EVI5: variants seen among roughly 807,000 people sequenced by gnomAD.
EVI5 encodes ecotropic viral integration site 5, also known as ecotropic viral integration site 5 protein homolog.
A neutral mutation model predicts 112.0 loss-of-function variants in EVI5; 73 were observed. The ratio of observed to expected loss-of-function variants is 0.65; its 90% confidence interval spans 0.54 to 0.79. The LOEUF is 0.79. Ranked by LOEUF, EVI5 falls within the 30% of genes least tolerant of loss-of-function variation. The pLI, the probability that EVI5 is intolerant of heterozygous loss-of-function variation, is 0.00. For synonymous variants in EVI5, 305 were observed against 319.9 expected (o/e 0.95, Z 0.50); for missense variants, 900 against 968.8 (o/e 0.93, Z 0.94).
At chr1:92,665,431 G>C (rs917865799) in intron 11 of EVI5, among the ~76,000 whole-genome samples, 1 of 152,092 alleles carries the variant, frequency 6.6e-6, no homozygotes, top group Non-Finnish European at 1.5e-5. Flanking sequence ...GTAACAAGTA[G>C]ATACTAAAAT....
At chr1:92,765,299 C>T (rs1392013947) in intron 1 of EVI5, among the ~76,000 whole-genome samples, 1 of 147,268 alleles carries the variant, frequency 6.8e-6, no homozygotes, top group East Asian at 2.0e-4. Context: ...AAGTGATCCT[C>T]CCACCTCAGC....
At chr1:92,615,591 T>A (rs1321416542) in intron 16 of EVI5, among the ~76,000 whole-genome samples, 1 of 152,040 alleles carries the variant, frequency 6.6e-6, no homozygotes, top group Non-Finnish European at 1.5e-5. Flanking sequence ...AACTTCCCCA[T>A]CCCCAGTAGT....
At chr1:92,758,126 G>C (rs1681236553) in intron 1 of EVI5, among the ~76,000 whole-genome samples, 1 of 152,122 alleles carries the variant, frequency 6.6e-6, no homozygotes, top group African/African-American at 2.4e-5. Context: ...ACCATATTTT[G>C]ATAGGCTATG....
chr1:92,563,805 C>A lies in EVI5; in HGVS notation c.2071-68G>T, dbSNP rs1668994876. The A allele has an allele frequency of 4.4e-6, 4 of 899,048 alleles. No individual in the cohort carries two copies. The South Asian group carries it at 5.8e-5, about 13-fold the overall frequency. 55.7% of individuals were successfully genotyped at this position (899,048 alleles called of 1,614,324 possible). ...TTTCACAGCATGTACTCAAATAGTTCAAGGTATAGGAAAAGCATAGGCACA... is the reference window on the plus strand; with the variant it reads ...TTTCACAGCATGTACTCAAATAGTTAAAGGTATAGGAAAAGCATAGGCACA... On this transcript the variant is annotated intron_variant, in intron 18 of 19. Transcript: ENST00000684568.
At chr1:92,604,260 T>C (rs769089377) in intron 18 of EVI5, among the ~76,000 whole-genome samples, 6 of 151,538 alleles carry the variant, frequency 4.0e-5, no homozygotes, top group Non-Finnish European at 8.8e-5. Flanking sequence ...CTCGGGAAGC[T>C]GATGAGGACT....
chr1:92,781,998 C>A (rs1684925757), intron 1 of EVI5, among the ~76,000 whole-genome samples: 1 of 147,000 alleles, frequency 6.8e-6, no homozygotes, highest in Non-Finnish European at 1.5e-5. Flanking sequence ...CGGTGGCTCA[C>A]ACCTGTAATC....
chr1:92,714,801 G>A (rs1043614124), intron 2 of EVI5, among the ~76,000 whole-genome samples: 1 of 152,064 alleles, frequency 6.6e-6, no homozygotes, highest in African/African-American at 2.4e-5. Flanking sequence ...ATGTTGCCCA[G>A]GCTGGTCTTG....
chr1:92,622,662 T>G (rs1479488356), intron 16 of EVI5, among the ~76,000 whole-genome samples: 1 of 152,226 alleles, frequency 6.6e-6, no homozygotes, highest in Non-Finnish European at 1.5e-5. Context: ...TATTTATTTA[T>G]TTTTCATTTA....
At chr1:92,532,332 A>C (rs1205159251) in intron 19 of EVI5, among the ~76,000 whole-genome samples, 1 of 152,190 alleles carries the variant, frequency 6.6e-6, no homozygotes, top group African/African-American at 2.4e-5. Flanking sequence ...ACACAATAAT[A>C]GTGGGGGAAT....
intron 1 of EVI5, among the ~76,000 whole-genome samples, chr1:92,738,347 TA>T (rs1677790235): frequency 6.6e-6 from 1 of 152,062 alleles, no homozygotes; most frequent in South Asian, 2.1e-4. Flanking sequence ...ACCTAATGTA[TA>T]AAATTTACAG....
chr1:92,743,473 T>A (rs1252414593), intron 1 of EVI5, among the ~76,000 whole-genome samples: 1 of 152,182 alleles, frequency 6.6e-6, no homozygotes, highest in African/African-American at 2.4e-5. Flanking sequence ...TTTTATGAGA[T>A]AGTCAAATCC....
At chr1:92,631,144 G>T (rs1324357082) in intron 14 of EVI5, among the ~76,000 whole-genome samples, 1 of 152,052 alleles carries the variant, frequency 6.6e-6, no homozygotes, top group Non-Finnish European at 1.5e-5. Flanking sequence ...TTTGGCTTAG[G>T]ATTGACTTGG....
rs191462852 is a variant in EVI5 at position 92,636,877 on chromosome 1, C to A, written c.1393-541G>T. 2.2e-4 allele frequency among the ~76,000 whole-genome samples: 33 copies of A among 152,036 alleles called. No homozygotes were observed. The East Asian group carries it at 6.0e-3, about 28-fold the overall frequency. Reference sequence around the variant, plus strand: ...GAGGTAAATAAAAATATTAATTTTACCTTTTTTTGCTCCTTTTAATGTGGG... The same window carrying A: ...GAGGTAAATAAAAATATTAATTTTAACTTTTTTTGCTCCTTTTAATGTGGG... On this transcript the variant is annotated intron_variant, in intron 13 of 19. Transcript: ENST00000684568.
At chr1:92,696,531 G>A (rs1670345419) in intron 6 of EVI5, among the ~76,000 whole-genome samples, 1 of 152,068 alleles carries the variant, frequency 6.6e-6, no homozygotes, top group South Asian at 2.1e-4. Context: ...CAGCTATCCA[G>A]GAGGCTGAGG....
intron 10 of EVI5, among the ~76,000 whole-genome samples, chr1:92,668,172 A>G (rs755650719): frequency 6.7e-4 from 102 of 152,210 alleles, no homozygotes; most frequent in Non-Finnish European, 3.1e-4. Context: ...AACAAATCTT[A>G]GAGTTATTAC....
At chr1:92,560,051 T>C (rs551366780) in intron 19 of EVI5, among the ~76,000 whole-genome samples, 2 of 152,278 alleles carry the variant, frequency 1.3e-5, no homozygotes, top group South Asian at 4.1e-4. Context: ...GATGAGGATG[T>C]AGAACAGTAA....
At chr1:92,520,299 T>C (rs1384162628) in intron 19 of EVI5, among the ~76,000 whole-genome samples, 1 of 152,176 alleles carries the variant, frequency 6.6e-6, no homozygotes, top group Non-Finnish European at 1.5e-5. Flanking sequence ...AGGCCTGTCT[T>C]CAGTCTCCAT....
At chr1:92,514,140 C>T (rs553571666) in intron 19 of EVI5, among the ~76,000 whole-genome samples, 170 bp from the exon 20 acceptor site, 1 of 151,558 alleles carries the variant, frequency 6.6e-6, no homozygotes, top group Admixed American at 6.6e-5. Flanking sequence ...ATAATGGGCT[C>T]ATAATTATTT....
chr1:92,738,584 C>T (rs1677828383), intron 1 of EVI5, among the ~76,000 whole-genome samples: 1 of 152,000 alleles, frequency 6.6e-6, no homozygotes, highest in African/African-American at 2.4e-5. Flanking sequence ...CAACAGGCTT[C>T]GATTTAAAGA....
Sources: allele counts gnomAD v4.1 joint callset (sites outside exome capture counted in the v4.1 genomes callset), GRCh38; gene constraint gnomAD v4.1.1; transcripts MANE v1.5; gene names NCBI Gene and HGNC (gene_info 2026-07-23, HGNC 2026-07-21).